Variants in CD82 observed in about 807,000 individuals in gnomAD.
The protein encoded by CD82 is CD82 molecule, also known as CD82 antigen.
A neutral mutation model predicts 37.4 loss-of-function variants in CD82; 36 were observed. That is an observed-to-expected ratio of 0.96 (90% CI 0.74 to 1.27). CD82 has a LOEUF of 1.27. Ranked by LOEUF, CD82 falls within the 50% of genes most tolerant of loss-of-function variation. The pLI is 0.00. For synonymous variants in CD82, 158 were observed against 137.4 expected (o/e 1.15, Z -1.05); for missense variants, 340 against 347.0 (o/e 0.98, Z 0.16).
chr11:44,605,158 C>T lies in CD82; in HGVS notation c.237C>T (p.Asn79=), dbSNP rs1853372973. The T allele has an allele frequency of 2.5e-6, 4 of 1,614,142 alleles. No individual in the cohort carries two copies. The highest frequency in any genetic ancestry group is 1.1e-5 in the South Asian group (1 of 91,092). ...TCCTGGGCTGCATCGGCGCCGTCAA[C>T]GAGGTCCGCTGCCTGCTGGGGCTGG... is the stretch of plus-strand genomic sequence containing the variant. ...MGFLGCIGAV[N]EVRCLLGLYF... The change falls in exon 5 of 10, where the codon AAC becomes AAT. Residue 79 remains asparagine, a synonymous_variant. Coordinates refer to ENST00000227155, the MANE Select transcript of CD82 (RefSeq NM_002231.4).
chr11:44,600,069 G>T, intron 3 of CD82, 89 bp from the exon 4 acceptor site: 4 of 1,352,190 alleles, frequency 3.0e-6, no homozygotes, highest in Non-Finnish European at 4.2e-6. Context: ...CCCCTGCCCT[G>T]CCCACCCTGA....
chr11:44,613,843 C>CA lies in CD82; in HGVS notation c.337-1417dup, dbSNP rs10709853. On this transcript the variant is annotated intron_variant, in intron 6 of 9. Coordinates refer to ENST00000227155, the MANE Select transcript of CD82 (RefSeq NM_002231.4). ...CTCAAAAAAACAAAACAAAGCAAAA[C>CA]AAAAAAAAAAAAGTGAGATGTTTTT... Among the ~76,000 whole-genome samples the CA allele has an allele frequency of 1.2e-3, 177 of 145,158 alleles. 2 individuals are homozygous for CA. The highest frequency in any genetic ancestry group is 3.0e-3 in the Admixed American group (44 of 14,764).
Position 44,569,458 on chromosome 11 carries a change from G to A in CD82, c.-103+3722G>A, listed in dbSNP as rs1565077952. Among the ~76,000 whole-genome samples the A allele has an allele frequency of 2.6e-5, 4 of 152,312 alleles. No individual in the cohort carries two copies. The South Asian group carries it at 8.3e-4, about 32-fold the overall frequency. ...GGTCCTTGGAGTTGGCTGCTGCTCT[G>A]CTGTGTGTATGTTGTGTGACCTTAG... On this transcript the variant is annotated intron_variant, in intron 1 of 9. Coordinates refer to ENST00000227155, the MANE Select transcript of CD82 (RefSeq NM_002231.4).
At chr11:44,610,565 C>T (rs1271899700) in intron 6 of CD82, among the ~76,000 whole-genome samples, 1 of 152,158 alleles carries the variant, frequency 6.6e-6, no homozygotes, top group Non-Finnish European at 1.5e-5. Context: ...GTGAGTAGAG[C>T]CATGCAGAGG....
intron 1 of CD82, among the ~76,000 whole-genome samples, chr11:44,574,598 G>A (rs1280616747): frequency 1.3e-5 from 2 of 152,166 alleles, no homozygotes; most frequent in African/African-American, 2.4e-5. Flanking sequence ...GATTATTGAA[G>A]AAAGAGGGTT....
At chr11:44,580,759 G>A (rs530179518) in intron 1 of CD82, among the ~76,000 whole-genome samples, 1 of 152,272 alleles carries the variant, frequency 6.6e-6, no homozygotes, top group African/African-American at 2.4e-5. Context: ...TTGAATCTAT[G>A]TCTGTCTGAT....
intron 3 of CD82, among the ~76,000 whole-genome samples, chr11:44,598,184 A>C (rs1853255401): frequency 6.6e-6 from 1 of 151,660 alleles, no homozygotes; most frequent in African/African-American, 2.4e-5. Flanking sequence ...GGTGGGAGAC[A>C]CTGGGGGGCA....
At chr11:44,585,381 C>A in intron 1 of CD82, 1 of 451,894 alleles carries the variant, frequency 2.2e-6, no homozygotes, top group Non-Finnish European at 4.5e-6. Context: ...TTATTAAGTT[C>A]ATTTTACAGG....
chr11:44,595,093 C>A, intron 3 of CD82: 1 of 247,902 alleles, frequency 4.0e-6, no homozygotes, highest in Admixed American at 4.9e-5. Flanking sequence ...CTGGCCCCCA[C>A]CCTGCCCATG....
upstream of CD82, among the ~76,000 whole-genome samples, chr11:44,565,221 C>T (rs1285644869): frequency 6.6e-6 from 1 of 152,136 alleles, no homozygotes; most frequent in African/African-American, 2.4e-5. Flanking sequence ...AGGGGCGTGG[C>T]CTCACCCTAC....
chr11:44,584,061 G>A (rs977639684), intron 1 of CD82, among the ~76,000 whole-genome samples: 2 of 152,202 alleles, frequency 1.3e-5, no homozygotes, highest in African/African-American at 4.8e-5. Context: ...CCTTGGTGGT[G>A]GTGGTAGTGG....
At chr11:44,598,981 G>T (rs944120344) in intron 3 of CD82, among the ~76,000 whole-genome samples, 1 of 152,238 alleles carries the variant, frequency 6.6e-6, no homozygotes, top group Non-Finnish European at 1.5e-5. Flanking sequence ...AAGGGAACCT[G>T]CATCTTTGCC....
intron 1 of CD82, among the ~76,000 whole-genome samples, chr11:44,568,585 T>C (rs576061309): frequency 6.6e-6 from 1 of 152,064 alleles, no homozygotes; most frequent in South Asian, 2.1e-4. Context: ...CCAGGGAGGA[T>C]AGGGGTGAGA....
rs749539429 is a variant in CD82, at chr11:44,600,171, T to C, written c.77T>C (p.Val26Ala). The change falls in exon 4 of 10, where the codon GTG becomes GCG. Residue 26 changes from valine (V) to alanine (A), a missense_variant. Transcript: ENST00000227155. ...TTCTCCTTCCAGATCCTGGGCGCAGTGATCCTGGGCTTCGGGGTGTGGATC... is the reference window on the plus strand; with the variant it reads ...TTCTCCTTCCAGATCCTGGGCGCAGCGATCCTGGGCTTCGGGGTGTGGATC... ...FNLIFFILGA[V>A]ILGFGVWILA... The C allele has an allele frequency of 3.3e-5, 53 of 1,614,098 alleles. No homozygotes were observed. Among genetic ancestry groups the C allele is most frequent in the Non-Finnish European group, 4.4e-5 (52 of 1,179,976 alleles).
chr11:44,595,543 T>A (rs1447122173), intron 3 of CD82, among the ~76,000 whole-genome samples: 2 of 152,142 alleles, frequency 1.3e-5, no homozygotes, highest in African/African-American at 4.8e-5. Flanking sequence ...TTTCTTATGA[T>A]CCAAAGTTTT....
intron 6 of CD82, among the ~76,000 whole-genome samples, chr11:44,613,955 A>G (rs1853523794): frequency 6.6e-6 from 1 of 151,960 alleles, no homozygotes; most frequent in South Asian, 2.1e-4. Flanking sequence ...GGGCTTGGGA[A>G]GGGGTGAGGG....
intron 7 of CD82, among the ~76,000 whole-genome samples, chr11:44,617,153 T>C (rs1853575971): frequency 6.6e-6 from 1 of 152,150 alleles, no homozygotes; most frequent in Non-Finnish European, 1.5e-5. Context: ...CATTGAATCC[T>C]CCCAGGAACC....
Position 44,569,590 on chromosome 11 carries a change from G to A in CD82, c.-103+3854G>A, listed in dbSNP as rs145034154. Among the ~76,000 whole-genome samples, 491 of 152,184 alleles carry A rather than the reference G, an allele frequency of 3.2e-3. 4 individuals are homozygous for A. Among genetic ancestry groups the A allele is most frequent in the Middle Eastern group, 0.01 (3 of 294 alleles). ...TGGGATCTATCCTTTGCAAAGTAGG[G>A]CATGTCTGTGAACACCCACCCATAC... On this transcript the variant is annotated intron_variant, in intron 1 of 9. Transcript: ENST00000227155.
At chr11:44,610,569 G>T (rs1853465746) in intron 6 of CD82, among the ~76,000 whole-genome samples, 1 of 152,192 alleles carries the variant, frequency 6.6e-6, no homozygotes, top group Non-Finnish European at 1.5e-5. Flanking sequence ...GTAGAGCCAT[G>T]CAGAGGACAG....
Sources: allele counts gnomAD v4.1 joint callset (sites outside exome capture counted in the v4.1 genomes callset), GRCh38; gene constraint gnomAD v4.1.1; transcripts MANE v1.5; gene names NCBI Gene and HGNC (gene_info 2026-07-23, HGNC 2026-07-21).